APPBP2: variants seen among roughly 807,000 people sequenced by gnomAD.
The protein encoded by APPBP2 is amyloid beta precursor protein binding protein 2, also known as amyloid protein-binding protein 2.
In APPBP2, 15 loss-of-function variants were observed where a neutral mutation model predicts 76.0. That is an observed-to-expected ratio of 0.20 (90% CI 0.13 to 0.30). The LOEUF is 0.30. APPBP2 is among the 10% of genes least tolerant of loss of function. The pLI, the probability that APPBP2 is intolerant of heterozygous loss-of-function variation, is 1.00. For missense variants in APPBP2, 401 were observed against 687.2 expected, an observed-to-expected ratio of 0.58 and a Z score of 4.66; for synonymous variants, 222 against 242.2, an observed-to-expected ratio of 0.92 and a Z score of 0.77.
chr17:60,495,461 TA>T (rs2143437432), intron 2 of APPBP2, among the ~76,000 whole-genome samples: 1 of 149,584 alleles, frequency 6.7e-6, no homozygotes, highest in South Asian at 2.1e-4. Flanking sequence ...TTTATTTATT[TA>T]TTTATTTATT....
At chr17:60,456,565 A>C (rs1267704228) in intron 9 of APPBP2, among the ~76,000 whole-genome samples, 184 bp from the exon 10 acceptor site, 2 of 152,196 alleles carry the variant, frequency 1.3e-5, no homozygotes, top group Non-Finnish European at 2.9e-5. Context: ...TACCCAACAG[A>C]GACTCCCATT....
intron 2 of APPBP2, among the ~76,000 whole-genome samples, chr17:60,498,041 C>A (rs2090790600): frequency 6.6e-6 from 1 of 151,748 alleles, no homozygotes; most frequent in Admixed American, 6.6e-5. Flanking sequence ...TTGGGAGTAT[C>A]ACCTGAGCCC....
chr17:60,490,156 C>T (rs1290049383), intron 3 of APPBP2, among the ~76,000 whole-genome samples: 1 of 152,192 alleles, frequency 6.6e-6, no homozygotes, highest in East Asian at 1.9e-4. Flanking sequence ...ATGGAATCCA[C>T]CGCACAGACA....
At chr17:60,459,957 A>G (rs1463404032) in intron 9 of APPBP2, 1 of 152,182 alleles carries the variant, frequency 6.6e-6, no homozygotes, top group Non-Finnish European at 1.5e-5. Context: ...AGTGTCCATT[A>G]TTGGCCCTTG....
chr17:60,504,232 AAAC>A (rs1392552108), intron 1 of APPBP2, among the ~76,000 whole-genome samples: 2 of 152,208 alleles, frequency 1.3e-5, no homozygotes, highest in African/African-American at 4.8e-5. Context: ...ACAAAAGGGA[AAAC>A]AAGCTTATTT....
intron 1 of APPBP2, among the ~76,000 whole-genome samples, chr17:60,513,026 T>G (rs1198343742): frequency 6.0e-5 from 9 of 149,460 alleles, no homozygotes; most frequent in Admixed American, 4.0e-4. Context: ...CATCTTGGCG[T>G]GAGACAGCGC....
intron 4 of APPBP2, among the ~76,000 whole-genome samples, chr17:60,466,982 A>T (rs1012004310): frequency 6.6e-6 from 1 of 152,196 alleles, no homozygotes; most frequent in Non-Finnish European, 1.5e-5. Flanking sequence ...TATCCTCTAT[A>T]GTAGAAATAC....
intron 1 of APPBP2, among the ~76,000 whole-genome samples, chr17:60,505,152 CT>C (rs1319136014): frequency 2.0e-5 from 3 of 152,196 alleles, no homozygotes; most frequent in Non-Finnish European, 4.4e-5. Context: ...ACCTAGATTA[CT>C]GTAAAGGTTT....
intron 1 of APPBP2, among the ~76,000 whole-genome samples, chr17:60,514,092 A>G (rs1182153673): frequency 6.6e-6 from 1 of 151,932 alleles, no homozygotes; most frequent in Non-Finnish European, 1.5e-5. Context: ...AGATCACTTG[A>G]ACCCAGGAGT....
At chr17:60,474,548 T>C (rs1277583444) in intron 4 of APPBP2, among the ~76,000 whole-genome samples, 2 of 152,150 alleles carry the variant, frequency 1.3e-5, no homozygotes, top group East Asian at 1.9e-4. Flanking sequence ...CTAACTGAAA[T>C]TTCAGCTTAA....
chr17:60,479,742 T>C (rs1324383578), intron 3 of APPBP2, among the ~76,000 whole-genome samples: 1 of 152,212 alleles, frequency 6.6e-6, no homozygotes, highest in Non-Finnish European at 1.5e-5. Flanking sequence ...ATTACTGTCC[T>C]GGGCAGTATT....
At chr17:60,505,841 G>A (rs1490652096) in intron 1 of APPBP2, among the ~76,000 whole-genome samples, 1 of 151,600 alleles carries the variant, frequency 6.6e-6, no homozygotes, top group African/African-American at 2.4e-5. Flanking sequence ...CCGCCACCAT[G>A]CCCAGCTAAT....
intron 8 of APPBP2, 46 bp from the exon 9 acceptor site, chr17:60,460,833 C>G (rs746255325): frequency 6.3e-7 from 1 of 1,575,290 alleles, no homozygotes; most frequent in African/African-American, 1.4e-5. Flanking sequence ...GAAAATACCA[C>G]CTAGTTAAAT....
chr17:60,446,287 T>A lies in APPBP2; in HGVS notation c.*1294A>T, dbSNP rs538275035. ...GCTACATGTCACAAATTCTTAAATT[T>A]GATTATTACCTCATCATTAAATAAC... On this transcript the variant is annotated 3_prime_UTR_variant, in exon 13 of 13. Transcript: ENST00000083182. 3.3e-5 allele frequency: 5 copies of A among 152,730 alleles called. No homozygotes were observed. The highest frequency in any genetic ancestry group is 3.3e-4 in the Admixed American group (5 of 15,300). The allele number at this position is 152,730 out of a possible 1,614,324, so 9.5% of individuals were successfully genotyped here. A position where few individuals can be genotyped will look rare whatever the true frequency, so the allele number is the denominator to read the frequency against.
Position 60,519,171 on chromosome 17 carries a change from CA to C in APPBP2, c.138+6622del, listed in dbSNP as rs572639724. On this transcript the variant is annotated intron_variant, in intron 1 of 12. Coordinates refer to ENST00000083182, the MANE Select transcript of APPBP2 (RefSeq NM_006380.5). The stretch of plus-strand genomic sequence containing the variant: ...AAAGACAGTGTCTCCCTATGTTGCC[CA>C]GGCTGGTCTCAAACTCTTGGGCTCA... 5.3e-5 allele frequency among the ~76,000 whole-genome samples: 8 copies of C among 152,192 alleles called. No homozygotes were observed. The South Asian group carries it at 1.2e-3, about 24-fold the overall frequency.
intron 3 of APPBP2, among the ~76,000 whole-genome samples, chr17:60,481,528 G>C (rs900166656): frequency 3.9e-5 from 6 of 152,162 alleles, no homozygotes; most frequent in Non-Finnish European, 8.8e-5. Context: ...TTGAGAAGGA[G>C]AAAATTTATA....
rs965885236 is a variant in APPBP2, at chr17:60,447,501, C to A, written c.*80G>T. On this transcript the variant is annotated 3_prime_UTR_variant, in exon 13 of 13. Coordinates refer to ENST00000083182, the MANE Select transcript of APPBP2 (RefSeq NM_006380.5). ...GTGTTTCAATGCAAATTCCAGCCCC[C>A]CAAAACAACATGGTTTTGATTTCAC... 1.0e-5 allele frequency: 15 copies of A among 1,502,906 alleles called. No homozygotes were observed. In the Admixed American group the frequency reaches 1.7e-4, roughly 17 times the overall value. 93.1% of individuals were successfully genotyped at this position (1,502,906 alleles called of 1,614,324 possible).
intron 4 of APPBP2, among the ~76,000 whole-genome samples, chr17:60,477,817 A>C (rs1205159214): frequency 6.6e-6 from 1 of 151,566 alleles, no homozygotes; most frequent in African/African-American, 2.4e-5. Context: ...AAAAAAAAAA[A>C]ATAGAGTTTT....
intron 4 of APPBP2, among the ~76,000 whole-genome samples, chr17:60,476,452 A>T (rs2090591619): frequency 6.6e-6 from 1 of 152,208 alleles, no homozygotes; most frequent in Non-Finnish European, 1.5e-5. Context: ...TGCCTTAAAA[A>T]AAGGCTAAGT....
Sources: gnomAD v4.1 joint callset for allele counts (sites outside exome capture counted in the v4.1 genomes callset) on GRCh38, gnomAD v4.1.1 for gene constraint, MANE v1.5 for transcripts, NCBI Gene and HGNC (gene_info 2026-07-23, HGNC 2026-07-21) for gene names.